Variants in WWOX observed in about 807,000 individuals in gnomAD.
The protein encoded by WWOX is WW domain containing oxidoreductase.
WWOX carries 69 observed loss-of-function variants against 46.2 expected under a neutral mutation model. The observed-to-expected ratio is 1.49, with a 90% CI of 1.23 to 1.82. The LOEUF is 1.82. Ranked by LOEUF, WWOX falls within the 40% of genes most tolerant of loss-of-function variation. The probability of loss-of-function intolerance (pLI) is 0.00; values close to 1 mark genes in which losing one functional copy is unlikely to be tolerated. For synonymous variants in WWOX, 359 were observed against 202.6 expected (o/e 1.77, Z -6.56); for missense variants, 919 against 542.6 (o/e 1.69, Z -6.89).
At chr16:78,126,028 A>G (rs943393702) in intron 4 of WWOX, among the ~76,000 whole-genome samples, 2 of 152,182 alleles carry the variant, frequency 1.3e-5, no homozygotes, top group African/African-American at 4.8e-5. Context: ...TATGATTGTA[A>G]GCATGTTTTC....
chr16:78,199,398 T>C (rs1331930177), intron 5 of WWOX, among the ~76,000 whole-genome samples: 1 of 152,080 alleles, frequency 6.6e-6, no homozygotes, highest in Non-Finnish European at 1.5e-5. Flanking sequence ...GACTGTAAAA[T>C]ATGAGAAGCA....
chr16:78,366,243 T>C (rs543748762), intron 5 of WWOX, among the ~76,000 whole-genome samples: 6 of 152,244 alleles, frequency 3.9e-5, no homozygotes, highest in African/African-American at 7.2e-5. Flanking sequence ...AACGCTGTTA[T>C]GTACGAAGTG....
At chr16:78,332,088 G>A (rs1219301669) in intron 5 of WWOX, among the ~76,000 whole-genome samples, 1 of 152,084 alleles carries the variant, frequency 6.6e-6, no homozygotes, top group Non-Finnish European at 1.5e-5. Context: ...AGCCTTCCCT[G>A]GGCCATGAAA....
At chr16:78,311,210 G>A (rs1002708848) in intron 5 of WWOX, among the ~76,000 whole-genome samples, 1 of 152,166 alleles carries the variant, frequency 6.6e-6, no homozygotes, top group Admixed American at 6.5e-5. Context: ...GTGGCACAGT[G>A]TGGTTGGACT....
chr16:78,668,315 C>G (rs1040502146), intron 8 of WWOX, among the ~76,000 whole-genome samples: 2 of 152,098 alleles, frequency 1.3e-5, no homozygotes, highest in African/African-American at 4.8e-5. Context: ...ACTTAACTCT[C>G]ATACCCCCAC....
intron 8 of WWOX, among the ~76,000 whole-genome samples, chr16:78,795,611 C>G (rs980887103): frequency 1.3e-5 from 2 of 152,222 alleles, no homozygotes; most frequent in African/African-American, 4.8e-5. Context: ...AGCACCACGC[C>G]TCACTAATGG....
intron 8 of WWOX, among the ~76,000 whole-genome samples, chr16:78,627,841 A>G (rs912387766): frequency 6.6e-6 from 1 of 152,230 alleles, no homozygotes; most frequent in Middle Eastern, 3.2e-3. Context: ...GCCGACTTAG[A>G]CAGTGTTAGT....
At chr16:78,828,225 C>T (rs1340424428) in intron 8 of WWOX, among the ~76,000 whole-genome samples, 1 of 152,146 alleles carries the variant, frequency 6.6e-6, no homozygotes, top group Non-Finnish European at 1.5e-5. Context: ...GCTTCTGCTC[C>T]CTGTCACAGT....
chr16:78,132,317 C>T (rs370515173), intron 4 of WWOX, among the ~76,000 whole-genome samples: 4 of 152,222 alleles, frequency 2.6e-5, no homozygotes, highest in African/African-American at 7.2e-5. Flanking sequence ...TGAGCCACCA[C>T]GCCCGGCCTT....
chr16:79,057,390 C>G (rs1457213474), intron 8 of WWOX, among the ~76,000 whole-genome samples: 1 of 152,208 alleles, frequency 6.6e-6, no homozygotes, highest in Non-Finnish European at 1.5e-5. Flanking sequence ...ATTCACCGGC[C>G]ATAGCATTTT....
At chr16:78,659,828 C>T (rs2047171597) in intron 8 of WWOX, among the ~76,000 whole-genome samples, 1 of 152,144 alleles carries the variant, frequency 6.6e-6, no homozygotes, top group Non-Finnish European at 1.5e-5. Flanking sequence ...CTTACTTAAA[C>T]ACACAGCATG....
chr16:79,047,128 T>G lies in WWOX; in HGVS notation c.1057-164480T>G, dbSNP rs980602065. ...TCCAGCCATTCACATATGTATTCAT[T>G]CATTCATTCATTTATTCTTTCATTC... On this transcript the variant is annotated intron_variant, in intron 8 of 8. Transcript: ENST00000566780. 2.0e-5 allele frequency among the ~76,000 whole-genome samples: 3 copies of G among 152,224 alleles called. No homozygotes were observed. The South Asian group carries it at 6.2e-4, about 31-fold the overall frequency.
chr16:78,871,438 C>T (rs1351585158), intron 8 of WWOX, among the ~76,000 whole-genome samples: 2 of 152,186 alleles, frequency 1.3e-5, no homozygotes, highest in Non-Finnish European at 2.9e-5. Flanking sequence ...TTCGATGAAG[C>T]TTGTGTCCAC....
At chr16:78,697,582 G>A (rs1419179047) in intron 8 of WWOX, among the ~76,000 whole-genome samples, 1 of 152,068 alleles carries the variant, frequency 6.6e-6, no homozygotes, top group Non-Finnish European at 1.5e-5. Flanking sequence ...CCATCAAAAA[G>A]TGGGCTAAGG....
rs535638024 is a variant in WWOX, at chr16:78,571,728, C to T, written c.1056+138976C>T. Among the ~76,000 whole-genome samples the T allele has an allele frequency of 1.5e-4, 23 of 152,068 alleles. No homozygotes were observed. The South Asian group carries it at 4.2e-3, about 27-fold the overall frequency. ...TACTAAAAATAGAAAATTAGCCAGG[C>T]GTGGTGGTATGTGACTGCAATCCCA... On this transcript the variant is annotated intron_variant, in intron 8 of 8. Coordinates refer to ENST00000566780, the MANE Select transcript of WWOX (RefSeq NM_016373.4).
At chr16:78,717,785 C>T (rs939300811) in intron 8 of WWOX, among the ~76,000 whole-genome samples, 1 of 152,100 alleles carries the variant, frequency 6.6e-6, no homozygotes, top group Non-Finnish European at 1.5e-5. Context: ...TAGGTGGGAA[C>T]ATATTTAGAA....
intron 8 of WWOX, among the ~76,000 whole-genome samples, chr16:78,461,931 C>T (rs987749722): frequency 1.3e-5 from 2 of 152,226 alleles, no homozygotes; most frequent in Non-Finnish European, 2.9e-5. Flanking sequence ...TTCTGTACTT[C>T]AATCAGCTAG....
chr16:78,839,688 G>A (rs2052086475), intron 8 of WWOX, among the ~76,000 whole-genome samples: 1 of 152,100 alleles, frequency 6.6e-6, no homozygotes, highest in Admixed American at 6.6e-5. Flanking sequence ...TTAGGCTGGA[G>A]GGCATATCTG....
At position 78,994,894 on chromosome 16, in the gene WWOX, A is replaced by T. The variant is rs573742808; in HGVS notation, c.1057-216714A>T. Reference sequence around the variant, plus strand: ...TAATGTGAAAAAGGTGGAAAGAAATACTCCCTTCTGGACACTGGAAGGGCA... The same window carrying T: ...TAATGTGAAAAAGGTGGAAAGAAATTCTCCCTTCTGGACACTGGAAGGGCA... On this transcript the variant is annotated intron_variant, in intron 8 of 8. Coordinates refer to ENST00000566780, the MANE Select transcript of WWOX (RefSeq NM_016373.4). Among the ~76,000 whole-genome samples the T allele has an allele frequency of 6.4e-5, 9 of 141,198 alleles. No homozygotes were observed. In the South Asian group the frequency reaches 1.4e-3, roughly 21 times the overall value. The allele number at this position is 141,198 out of a possible 152,430, so 92.6% of individuals were successfully genotyped here.
Sources: gnomAD v4.1 joint callset for allele counts (sites outside exome capture counted in the v4.1 genomes callset) on GRCh38, gnomAD v4.1.1 for gene constraint, MANE v1.5 for transcripts, NCBI Gene and HGNC (gene_info 2026-07-23, HGNC 2026-07-21) for gene names.